The following CPEB3 variants were observed in gnomAD, a reference collection of about 807,000 sequenced individuals.
CPEB3 encodes the protein cytoplasmic polyadenylation element-binding protein 3.
A neutral mutation model predicts 67.2 loss-of-function variants in CPEB3; 20 were observed. The observed-to-expected ratio is 0.30, with a 90% CI of 0.21 to 0.43. CPEB3 has a LOEUF of 0.43. Ranked by LOEUF, CPEB3 falls within the 20% of genes least tolerant of loss-of-function variation. CPEB3 has a pLI of 1.00. For synonymous variants in CPEB3, 376 were observed against 393.1 expected (o/e 0.96, Z 0.51); for missense variants, 746 against 968.6 (o/e 0.77, Z 3.05).
At chr10:92,216,693 A>G (rs966125075) in intron 2 of CPEB3, 8 of 1,605,924 alleles carry the variant, frequency 5.0e-6, no homozygotes, top group Non-Finnish European at 6.8e-6. Context: ...ACAGGCTCCA[A>G]GCGCCCCACC....
intron 4 of CPEB3, among the ~76,000 whole-genome samples, chr10:92,170,328 T>C (rs1233286920): frequency 6.6e-6 from 1 of 152,240 alleles, no homozygotes; most frequent in Non-Finnish European, 1.5e-5. Context: ...GTAATCACTC[T>C]AGAATTTCCA....
chr10:92,079,723 A>G (rs956826678), intron 9 of CPEB3, among the ~76,000 whole-genome samples: 2 of 152,172 alleles, frequency 1.3e-5, no homozygotes, highest in Non-Finnish European at 2.9e-5. Context: ...CACCAGTTAA[A>G]ATTTTTACCT....
chr10:92,148,062 T>C (rs1846773623), intron 4 of CPEB3, among the ~76,000 whole-genome samples: 1 of 152,164 alleles, frequency 6.6e-6, no homozygotes. Context: ...CCCACAATGC[T>C]TTCTCCACAA....
chr10:92,069,459 A>G (rs953426740), intron 9 of CPEB3, among the ~76,000 whole-genome samples: 11 of 152,158 alleles, frequency 7.2e-5, no homozygotes, highest in Non-Finnish European at 1.6e-4. Context: ...GCTGGAGTGC[A>G]ATGGTGTGAT....
intron 9 of CPEB3, among the ~76,000 whole-genome samples, chr10:92,059,576 C>A (rs543153410): frequency 6.6e-6 from 1 of 151,514 alleles, no homozygotes; most frequent in African/African-American, 2.4e-5. Flanking sequence ...ACTAGAAACA[C>A]AAGGGAGAAC....
At chr10:92,170,033 A>T (rs1280124845) in intron 4 of CPEB3, among the ~76,000 whole-genome samples, 3 of 151,926 alleles carry the variant, frequency 2.0e-5, no homozygotes, top group Non-Finnish European at 2.9e-5. Flanking sequence ...AATTCAACCT[A>T]CTCTTCCAGT....
chr10:92,142,781 G>C (rs978507811), intron 6 of CPEB3, among the ~76,000 whole-genome samples: 5 of 152,120 alleles, frequency 3.3e-5, no homozygotes, highest in African/African-American at 1.2e-4. Flanking sequence ...TTAGCAGGAG[G>C]CTCATCCACA....
At position 92,183,883 on chromosome 10, in the gene CPEB3, A is replaced by G. The variant is rs367621906; in HGVS notation, c.1166-2864T>C. On this transcript the variant is annotated intron_variant, in intron 3 of 9. Coordinates refer to ENST00000265997, the MANE Select transcript of CPEB3 (RefSeq NM_014912.5). ...ACTTCTTTTCTTTCCTGTGTCTACC[A>G]TTTACGGTAAAGAATTATGTAGTTT... Among the ~76,000 whole-genome samples, 3 of 152,202 alleles carry G rather than the reference A, an allele frequency of 2.0e-5. No individual in the cohort carries two copies. In the East Asian group the frequency reaches 5.8e-4, roughly 29 times the overall value.
At chr10:92,055,715 A>C (rs1842084388) in intron 9 of CPEB3, among the ~76,000 whole-genome samples, 1 of 149,902 alleles carries the variant, frequency 6.7e-6, no homozygotes, top group Admixed American at 6.7e-5. Context: ...CTGAACATTA[A>C]ATGCCAATAG....
intron 9 of CPEB3, among the ~76,000 whole-genome samples, chr10:92,057,492 AC>A (rs1256064405): frequency 6.6e-6 from 1 of 152,188 alleles, no homozygotes; most frequent in Admixed American, 6.5e-5. Context: ...CCCGGAGAGC[AC>A]CTCTGAGTCT....
At chr10:92,262,153 C>G (rs1015612056) in intron 1 of CPEB3, among the ~76,000 whole-genome samples, 2 of 152,156 alleles carry the variant, frequency 1.3e-5, no homozygotes, top group Non-Finnish European at 2.9e-5. Flanking sequence ...TTAGATGAAT[C>G]TACCACTTTT....
At chr10:92,167,417 C>T (rs1847796279) in intron 4 of CPEB3, among the ~76,000 whole-genome samples, 1 of 152,180 alleles carries the variant, frequency 6.6e-6, no homozygotes, top group Non-Finnish European at 1.5e-5. Flanking sequence ...CTCTTTCTTT[C>T]ACTTGAACAT....
At position 92,145,023 on chromosome 10, in the gene CPEB3, G is replaced by C. The variant is rs143773953; in HGVS notation, c.1285C>G (p.Arg429Gly). ...TCTACTCGTTCCCCATTTTGACAGCGAGTGGGAGAACTTAAGCCAGATGAC... is the reference window on the plus strand; with the variant it reads ...TCTACTCGTTCCCCATTTTGACAGCCAGTGGGAGAACTTAAGCCAGATGAC... ...ALSSGLSSPTRCQNGERVERY... is the reference protein window; with the variant it reads ...ALSSGLSSPTGCQNGERVERY... Residue 429 changes from arginine (R) to glycine (G), a missense_variant, in exon 5 of 10, where the codon CGC becomes GGC. Physicochemically the swap from Arg to Gly is moderately radical, Grantham distance 125. This residue lies in a region of CPEB3 where 643 missense variants were observed against 717.5 expected (regional missense o/e 0.90). Transcript: ENST00000265997. The C allele has an allele frequency of 1.2e-6, 2 of 1,613,900 alleles. No individual in the cohort carries two copies. The highest frequency in any genetic ancestry group is 2.2e-5 in the East Asian group (1 of 44,884).
intron 2 of CPEB3, among the ~76,000 whole-genome samples, chr10:92,226,065 C>G (rs1242627605): frequency 6.6e-6 from 1 of 152,168 alleles, no homozygotes; most frequent in Non-Finnish European, 1.5e-5. Context: ...CCAATGCACT[C>G]CAGCCTGGGC....
intron 4 of CPEB3, among the ~76,000 whole-genome samples, chr10:92,145,560 G>A (rs1303066121): frequency 2.6e-5 from 4 of 151,780 alleles, no homozygotes; most frequent in East Asian, 1.9e-4. Flanking sequence ...ACCCGAACCC[G>A]GGAGGTGGAG....
chr10:92,198,888 G>A (rs2134225048), intron 2 of CPEB3, among the ~76,000 whole-genome samples: 1 of 152,298 alleles, frequency 6.6e-6, no homozygotes, highest in East Asian at 1.9e-4. Context: ...CATGAACAAT[G>A]GAGGCTTAGT....
intron 6 of CPEB3, among the ~76,000 whole-genome samples, chr10:92,128,414 A>G (rs776096574): frequency 6.6e-6 from 1 of 152,244 alleles, no homozygotes; most frequent in Non-Finnish European, 1.5e-5. Flanking sequence ...AACAGATTGG[A>G]TAAGCTTGGC....
chr10:92,099,113 C>G (rs1458745045), intron 7 of CPEB3, among the ~76,000 whole-genome samples: 1 of 151,638 alleles, frequency 6.6e-6, no homozygotes, highest in East Asian at 1.9e-4. Context: ...ATAATTATAG[C>G]TCCATATAAA....
chr10:92,085,597 T>A (rs1843336223), intron 8 of CPEB3, among the ~76,000 whole-genome samples: 1 of 151,938 alleles, frequency 6.6e-6, no homozygotes, highest in Non-Finnish European at 1.5e-5. Context: ...TTGCTCCTGA[T>A]TCTTTTTTCT....
Sources: gnomAD v4.1 joint callset for allele counts (sites outside exome capture counted in the v4.1 genomes callset) on GRCh38, gnomAD v4.1.1 for gene constraint, gnomAD v4.1.1 regional missense constraint, MANE v1.5 for transcripts, NCBI Gene and HGNC (gene_info 2026-07-23, HGNC 2026-07-21) for gene names.